WSCD1: variants seen among roughly 807,000 people sequenced by gnomAD.
WSCD1 encodes the protein WSC domain sialate O sulfotransferase 1.
WSCD1 carries 41 observed loss-of-function variants against 60.4 expected under a neutral mutation model. The observed-to-expected ratio is 0.68, with a 90% CI of 0.53 to 0.88. WSCD1 has a LOEUF of 0.88. WSCD1 is among the 40% of genes least tolerant of loss of function. WSCD1 has a pLI of 0.00. For synonymous variants in WSCD1, 361 were observed against 332.5 expected (o/e 1.09, Z -0.93); for missense variants, 784 against 796.2 (o/e 0.98, Z 0.18).
At position 6,101,253 on chromosome 17, in the gene WSCD1, G is replaced by A. The variant is rs908935933; in HGVS notation, c.849+6030G>A. ...TGTGGGAATGGTTAAATTATGCCAC[G>A]GCCATACAGTGGACTATAATACAAC... On this transcript the variant is annotated intron_variant, in intron 5 of 8. Coordinates refer to ENST00000317744, the MANE Select transcript of WSCD1 (RefSeq NM_015253.2). This position sits in a 1 kb window ranked among gnomAD's most constrained non-coding sequence, Gnocchi z 4.1. Among the ~76,000 whole-genome samples the A allele has an allele frequency of 2.0e-5, 3 of 152,138 alleles. No individual in the cohort carries two copies. Among genetic ancestry groups the A allele is most frequent in the African/African-American group, 7.2e-5 (3 of 41,420 alleles).
intron 7 of WSCD1, among the ~76,000 whole-genome samples, chr17:6,115,522 T>C (rs1281179140): frequency 2.0e-5 from 3 of 152,198 alleles, no homozygotes; most frequent in African/African-American, 7.2e-5. Flanking sequence ...GGCAAAAATG[T>C]ATTAAAATGT....
intron 5 of WSCD1, among the ~76,000 whole-genome samples, chr17:6,098,447 C>T (rs1162586080): frequency 6.6e-6 from 1 of 152,240 alleles, no homozygotes; most frequent in African/African-American, 2.4e-5. Flanking sequence ...TGCTATCACA[C>T]ATTAGCACCT....
intron 8 of WSCD1, 89 bp from the exon 9 acceptor site, chr17:6,120,220 C>T: frequency 7.1e-7 from 1 of 1,401,442 alleles, no homozygotes; most frequent in Admixed American, 1.9e-5. Context: ...AAAACCCTGC[C>T]CACTTCCCTC....
chr17:6,100,236 C>T (rs933551104), intron 5 of WSCD1, among the ~76,000 whole-genome samples: 16 of 152,088 alleles, frequency 1.1e-4, no homozygotes, highest in South Asian at 8.3e-4. Context: ...TGTGGGTGAG[C>T]GGGGCAGCTG....
At chr17:6,102,998 T>C (rs1488232966) in intron 5 of WSCD1, among the ~76,000 whole-genome samples, 1 of 152,240 alleles carries the variant, frequency 6.6e-6, no homozygotes, top group Non-Finnish European at 1.5e-5. Flanking sequence ...TTATACATTT[T>C]GGGAAGTGTG....
At chr17:6,112,262 G>A (rs1911452725) in intron 7 of WSCD1, among the ~76,000 whole-genome samples, 1 of 152,054 alleles carries the variant, frequency 6.6e-6, no homozygotes, top group South Asian at 2.1e-4. Context: ...CATCCCTTTA[G>A]GGCAAAAACA....
chr17:6,086,249 T>TTATATATATATA lies in WSCD1; in HGVS notation c.428-1741_428-1740insTATATATATATA, dbSNP rs1481687453. Reference sequence around the variant, plus strand: ...TGCAGTCAGTAAGACCGTCCTGACTTCATATATATATATATATATATATAT... The same window carrying TTATATATATATA: ...TGCAGTCAGTAAGACCGTCCTGACTTTATATATATATACATATATATATATATATATATATAT... On this transcript the variant is annotated intron_variant, in intron 2 of 8. Coordinates refer to ENST00000317744, the MANE Select transcript of WSCD1 (RefSeq NM_015253.2). 7.1e-3 allele frequency among the ~76,000 whole-genome samples: 507 copies of TTATATATATATA among 71,206 alleles called. 12 individuals carry two copies. Among genetic ancestry groups the TTATATATATATA allele is most frequent in the African/African-American group, 0.027 (483 of 17,580 alleles). 46.7% of individuals were successfully genotyped at this position (71,206 alleles called of 152,430 possible). A position where few individuals can be genotyped will look rare whatever the true frequency, so the allele number is the denominator to read the frequency against.
Position 6,118,340 on chromosome 17 carries a change from A to T in WSCD1, c.1375+152A>T. Reference sequence around the variant, plus strand: ...TCAAACCCCATCCTGCTAGGGACTTAGTGCTGCTGTGCCTGGGCTTGAGTT... The same window carrying T: ...TCAAACCCCATCCTGCTAGGGACTTTGTGCTGCTGTGCCTGGGCTTGAGTT... On this transcript the variant is annotated intron_variant, in intron 8 of 8. Coordinates refer to ENST00000317744, the MANE Select transcript of WSCD1 (RefSeq NM_015253.2). The surrounding 1 kb of genome is among the most constrained non-coding windows in gnomAD (Gnocchi z 5.8). 1 of 847,712 alleles carries T rather than the reference A, an allele frequency of 1.2e-6. No individual in the cohort carries two copies. Among genetic ancestry groups the T allele is most frequent in the Non-Finnish European group, 1.8e-6 (1 of 549,506 alleles). 52.5% of individuals were successfully genotyped at this position (847,712 alleles called of 1,614,324 possible).
intron 2 of WSCD1, among the ~76,000 whole-genome samples, chr17:6,084,481 G>A (rs566954201): frequency 2.6e-4 from 39 of 152,294 alleles, no homozygotes; most frequent in Middle Eastern, 3.4e-3. Context: ...TTTGTGGCCC[G>A]GGCAGCCCGC....
chr17:6,119,741 T>C (rs1904535827), intron 8 of WSCD1, among the ~76,000 whole-genome samples: 1 of 152,162 alleles, frequency 6.6e-6, no homozygotes, highest in Non-Finnish European at 1.5e-5. Context: ...AGGCCCTGTC[T>C]CCTAGGGTCA....
intron 5 of WSCD1, among the ~76,000 whole-genome samples, chr17:6,102,366 G>A (rs374842719): frequency 3.9e-5 from 6 of 152,326 alleles, no homozygotes; most frequent in Admixed American, 6.5e-5. Flanking sequence ...GGTTGGGTCT[G>A]TAAGAGTCTG....
chr17:6,080,731 G>A lies in WSCD1; in HGVS notation c.73G>A (p.Ala25Thr), dbSNP rs779248460. 3.1e-6 allele frequency: 5 copies of A among 1,613,270 alleles called. No individual in the cohort carries two copies. Among genetic ancestry groups the A allele is most frequent in the Admixed American group, 1.7e-5 (1 of 60,020 alleles). The change falls in exon 2 of 9, where the codon GCC becomes ACC. Residue 25 changes from alanine (A) to threonine (T), a missense_variant. Physicochemically the swap from Ala to Thr is moderately conservative, Grantham distance 58. Transcript: ENST00000317744. This position sits in a 1 kb window ranked among gnomAD's most constrained non-coding sequence, Gnocchi z 6.6. ...TQFLLFFLTA[A>T]YLMTGSLLLL... ...GTTCCTGCTGTTCTTCCTCACGGCTGCCTACCTGATGACCGGCAGCCTGCT... is the reference window on the plus strand; with the variant it reads ...GTTCCTGCTGTTCTTCCTCACGGCTACCTACCTGATGACCGGCAGCCTGCT...
At chr17:6,082,242 G>A (rs535051713) in intron 2 of WSCD1, among the ~76,000 whole-genome samples, 136 of 152,232 alleles carry the variant, frequency 8.9e-4, no homozygotes, top group African/African-American at 3.2e-3. Context: ...CAGGATTCAC[G>A]TGCATCCAGT....
upstream of WSCD1, among the ~76,000 whole-genome samples, chr17:6,069,784 TGTGTGTGTGTGTGTGTGC>T (rs1431491487): frequency 2.2e-5 from 2 of 91,628 alleles, no homozygotes; most frequent in Non-Finnish European, 2.2e-5. Context: ...GGTGTGTGTG[TGTGTGTGTGTGTGTGTGC>T]GTGCGTGTGT....
In WSCD1 at chr17:6,118,885, A is replaced by T. The variant is rs1398664666; in HGVS notation, c.1375+697A>T. ...TAACAAAATACCACAAAACTGGGGG[A>T]TGGGGCAGGGGGTGGTGCTTAAGCA... On this transcript the variant is annotated intron_variant, in intron 8 of 8. Coordinates refer to ENST00000317744, the MANE Select transcript of WSCD1 (RefSeq NM_015253.2). The surrounding 1 kb of genome is among the most constrained non-coding windows in gnomAD (Gnocchi z 5.8). 3.3e-5 allele frequency among the ~76,000 whole-genome samples: 5 copies of T among 152,252 alleles called. No individual in the cohort carries two copies. Among genetic ancestry groups the T allele is most frequent in the African/African-American group, 4.8e-5 (2 of 41,544 alleles).
intron 5 of WSCD1, among the ~76,000 whole-genome samples, chr17:6,107,275 C>G (rs1245315150): frequency 6.6e-6 from 1 of 152,090 alleles, no homozygotes; most frequent in Non-Finnish European, 1.5e-5. Flanking sequence ...CTGAGGCGGG[C>G]AGATCATCTG....
Position 6,101,707 on chromosome 17 carries a change from A to T in WSCD1, c.849+6484A>T, listed in dbSNP as rs1910807230. On this transcript the variant is annotated intron_variant, in intron 5 of 8. Coordinates refer to ENST00000317744, the MANE Select transcript of WSCD1 (RefSeq NM_015253.2). The surrounding 1 kb of genome is among the most constrained non-coding windows in gnomAD (Gnocchi z 4.1). ...ATCTTGTCTAATTTCCTGTGATCGT[A>T]TGGAGATGGAAAGAGACCTGCTCAT... Among the ~76,000 whole-genome samples, 2 of 152,174 alleles carry T rather than the reference A, an allele frequency of 1.3e-5. No homozygotes were observed. The highest frequency in any genetic ancestry group is 4.8e-5 in the African/African-American group (2 of 41,436).
Position 6,088,065 on chromosome 17 carries a change from A to T in WSCD1, c.503A>T (p.Lys168Met), listed in dbSNP as rs778444504. The part of the protein sequence containing the change: ...LKGAVFYDLR[K>M]MTVSHCQDAC... The stretch of plus-strand genomic sequence containing the variant: ...GGAGCTGTGTTTTATGACTTGAGAA[A>T]GATGACTGTCTCCCACTGCCAGGAT... The change falls in exon 3 of 9, where the codon AAG becomes ATG. Residue 168 changes from lysine (K) to methionine (M), a missense_variant. Coordinates refer to ENST00000317744, the MANE Select transcript of WSCD1 (RefSeq NM_015253.2). 6.2e-7 allele frequency: 1 copy of T among 1,614,232 alleles called. No individual in the cohort carries two copies. Among genetic ancestry groups the T allele is most frequent in the South Asian group, 1.1e-5 (1 of 91,084 alleles).
rs1335249814 is a variant in WSCD1 at position 6,120,694 on chromosome 17, TG to T, written c.*34del. The T allele has an allele frequency of 6.3e-7, 1 of 1,577,408 alleles. No individual in the cohort carries two copies. The highest frequency in any genetic ancestry group is 1.7e-5 in the Admixed American group (1 of 58,000). ...GGCCCACGCCGCCGCCCCCGCTGAGTGACGCAATCGCACCACGGGGCTGCGC... is the reference window on the plus strand; with the variant it reads ...GGCCCACGCCGCCGCCCCCGCTGAGTACGCAATCGCACCACGGGGCTGCGC... On this transcript the variant is annotated 3_prime_UTR_variant, in exon 9 of 9. Transcript: ENST00000317744.
Sources: gnomAD v4.1 joint callset for allele counts (sites outside exome capture counted in the v4.1 genomes callset) on GRCh38, gnomAD v4.1.1 for gene constraint, Gnocchi (gnomAD v3.1) non-coding constraint, MANE v1.5 for transcripts, NCBI Gene and HGNC (gene_info 2026-07-23, HGNC 2026-07-21) for gene names.